Variants in CSMD2 observed in about 807,000 individuals in gnomAD.
CSMD2 encodes the protein CUB and Sushi multiple domains 2, also known as CUB and sushi domain-containing protein 2.
A neutral mutation model predicts 398.5 loss-of-function variants in CSMD2; 130 were observed. The ratio of observed to expected loss-of-function variants is 0.33; its 90% CI spans 0.28 to 0.38. The LOEUF is 0.38. Among genes scored for constraint, CSMD2 ranks in the 10% least tolerant of loss-of-function variants. The pLI, the probability that CSMD2 is intolerant of heterozygous loss-of-function variation, is 1.00. For synonymous variants in CSMD2, 1,828 were observed against 1,908.5 expected, an observed-to-expected ratio of 0.96 and a Z score of 1.10; for missense variants, 3,829 against 4,764.9, an observed-to-expected ratio of 0.80 and a Z score of 5.78.
At chr1:33,771,703 G>A (rs984823002) in intron 13 of CSMD2, among the ~76,000 whole-genome samples, 1 of 152,070 alleles carries the variant, frequency 6.6e-6, no homozygotes, top group Non-Finnish European at 1.5e-5. Context: ...TGCAGAACTC[G>A]AGGCCCCAAG....
At chr1:33,845,483 G>A (rs1177121142) in intron 6 of CSMD2, among the ~76,000 whole-genome samples, 2 of 152,110 alleles carry the variant, frequency 1.3e-5, no homozygotes, top group Admixed American at 6.5e-5. Flanking sequence ...CTGACAAATG[G>A]GCCCTCAGTA....
In CSMD2 at chr1:33,553,272, T is replaced by A. The variant is rs186314378; in HGVS notation, c.8744-2922A>T. On this transcript the variant is annotated intron_variant, in intron 55 of 70. Coordinates refer to ENST00000373381, the MANE Select transcript of CSMD2 (RefSeq NM_001281956.2). ...TTCATGTCTCTGCATCACATTTTGG[T>A]AATTCTCACAATATTTCAAACGTTT... 9.2e-5 allele frequency among the ~76,000 whole-genome samples: 14 copies of A among 152,332 alleles called. No homozygotes were observed. The East Asian group carries it at 2.7e-3, about 29-fold the overall frequency.
intron 2 of CSMD2, among the ~76,000 whole-genome samples, chr1:34,052,469 C>G (rs539253776): frequency 7.9e-6 from 1 of 127,030 alleles, no homozygotes; most frequent in Non-Finnish European, 1.6e-5. Context: ...GGGGGGGGGT[C>G]GAGAAATCAA....
intron 3 of CSMD2, among the ~76,000 whole-genome samples, chr1:34,010,618 C>A (rs1308883499): frequency 1.3e-5 from 2 of 149,834 alleles, no homozygotes; most frequent in African/African-American, 4.9e-5. Context: ...TTTTTTTTTT[C>A]TTTTTTTTCT....
chr1:33,842,596 TG>T (rs1395903906), intron 6 of CSMD2, among the ~76,000 whole-genome samples: 2 of 152,164 alleles, frequency 1.3e-5, no homozygotes, highest in Admixed American at 6.5e-5. Context: ...ATTAGGCCTG[TG>T]GGCCTCTTGT....
chr1:34,131,656 C>T (rs953629176), intron 1 of CSMD2, among the ~76,000 whole-genome samples: 1 of 152,198 alleles, frequency 6.6e-6, no homozygotes, highest in Non-Finnish European at 1.5e-5. Context: ...CAGGCCCAGG[C>T]CTCTCTCTGA....
intron 25 of CSMD2, among the ~76,000 whole-genome samples, chr1:33,676,073 A>G (rs1014582967): frequency 7.9e-5 from 12 of 152,088 alleles, no homozygotes; most frequent in Middle Eastern, 3.4e-3. Context: ...CTCTCTCACC[A>G]CTCCTATTCA....
At chr1:33,731,930 G>C (rs1278762070) in intron 15 of CSMD2, among the ~76,000 whole-genome samples, 1 of 152,186 alleles carries the variant, frequency 6.6e-6, no homozygotes, top group Non-Finnish European at 1.5e-5. Context: ...CCAGCAGGGT[G>C]GTTGTGGGGG....
At chr1:33,854,529 C>T (rs968905172) in intron 5 of CSMD2, among the ~76,000 whole-genome samples, 1 of 152,172 alleles carries the variant, frequency 6.6e-6, no homozygotes, top group Non-Finnish European at 1.5e-5. Context: ...GACATGCTTC[C>T]CCAGTCCTAG....
chr1:33,725,766 G>C (rs1186142527), intron 16 of CSMD2, among the ~76,000 whole-genome samples: 1 of 152,024 alleles, frequency 6.6e-6, no homozygotes, highest in Non-Finnish European at 1.5e-5. Flanking sequence ...CCTCTCTGTG[G>C]CCTGATCTGT....
At chr1:34,004,477 TTTTG>T (rs1646999184) in intron 3 of CSMD2, among the ~76,000 whole-genome samples, 1 of 152,186 alleles carries the variant, frequency 6.6e-6, no homozygotes, top group Non-Finnish European at 1.5e-5. Flanking sequence ...GTTTGTTTGT[TTTTG>T]TTTTTTGCCA....
intron 11 of CSMD2, among the ~76,000 whole-genome samples, chr1:33,791,867 T>A (rs373262534): frequency 6.6e-6 from 1 of 152,168 alleles, no homozygotes; most frequent in Non-Finnish European, 1.5e-5. Flanking sequence ...AGACTCAACA[T>A]AGCAGAATCC....
intron 24 of CSMD2, among the ~76,000 whole-genome samples, chr1:33,697,012 G>T (rs190940093): frequency 7.6e-4 from 115 of 152,298 alleles, no homozygotes; most frequent in African/African-American, 2.7e-3. Flanking sequence ...TCCCCTAGCA[G>T]GCTAGAGGCA....
At position 33,709,077 on chromosome 1, in the gene CSMD2, G is replaced by A. The variant is rs368216995; in HGVS notation, c.3576+12C>T. ...ACTATAACACACATACTCTGAAATC[G>A]ATCAATTTTACCTTGAGGACATCTC... On this transcript the variant is annotated intron_variant, in intron 22 of 70. Coordinates refer to ENST00000373381, the MANE Select transcript of CSMD2 (RefSeq NM_001281956.2). The A allele has an allele frequency of 2.2e-5, 36 of 1,604,298 alleles. No individual in the cohort carries two copies. The highest frequency in any genetic ancestry group is 2.3e-5 in the Non-Finnish European group (27 of 1,174,930).
intron 2 of CSMD2, among the ~76,000 whole-genome samples, chr1:34,069,610 G>A (rs929756079): frequency 1.3e-5 from 2 of 152,144 alleles, no homozygotes; most frequent in Admixed American, 1.3e-4. Flanking sequence ...TTCACATGGA[G>A]ACTATAAGAT....
intron 3 of CSMD2, among the ~76,000 whole-genome samples, chr1:33,953,300 A>G (rs1645065038): frequency 1.3e-5 from 2 of 152,188 alleles, no homozygotes; most frequent in South Asian, 4.1e-4. Context: ...CCTGCCCAGG[A>G]CAGATACATG....
chr1:34,090,293 C>T (rs953532460), intron 1 of CSMD2, among the ~76,000 whole-genome samples: 1 of 152,300 alleles, frequency 6.6e-6, no homozygotes, highest in South Asian at 2.1e-4. Flanking sequence ...TGGGACCACA[C>T]TTTGAGCAGC....
intron 44 of CSMD2, among the ~76,000 whole-genome samples, chr1:33,588,865 A>G (rs781395575): frequency 6.6e-6 from 1 of 152,172 alleles, no homozygotes; most frequent in Non-Finnish European, 1.5e-5. Flanking sequence ...AACAGCATGG[A>G]GTGACACCTC....
intron 6 of CSMD2, among the ~76,000 whole-genome samples, chr1:33,833,458 A>G (rs1206718449): frequency 6.6e-6 from 1 of 150,918 alleles, no homozygotes; most frequent in Non-Finnish European, 1.5e-5. Flanking sequence ...ACAACCCTTC[A>G]TGCTAAAAAC....
Sources: gnomAD v4.1 joint callset for allele counts (sites outside exome capture counted in the v4.1 genomes callset) on GRCh38, gnomAD v4.1.1 for gene constraint, MANE v1.5 for transcripts, NCBI Gene and HGNC (gene_info 2026-07-23, HGNC 2026-07-21) for gene names.